The following SCAPER variants were observed in gnomAD, a reference collection of about 807,000 sequenced individuals.
SCAPER encodes the protein S phase cyclin A-associated protein in the endoplasmic reticulum.
SCAPER carries 98 observed loss-of-function variants against 182.2 expected under a neutral mutation model. The ratio of observed to expected loss-of-function variants is 0.54; its 90% confidence interval spans 0.46 to 0.64. The LOEUF (loss-of-function observed/expected upper bound fraction) is 0.64. Among genes scored for constraint, SCAPER ranks in the 30% least tolerant of loss-of-function variants. SCAPER has a pLI of 0.00. For missense variants in SCAPER, 1,432 were observed against 1,690.0 expected, an observed-to-expected ratio of 0.85 and a Z score of 2.68; for synonymous variants, 605 against 564.6, an observed-to-expected ratio of 1.07 and a Z score of -1.01.
chr15:76,784,305 AT>A (rs1348189809), intron 8 of SCAPER, among the ~76,000 whole-genome samples: 1 of 152,206 alleles, frequency 6.6e-6, no homozygotes, highest in Non-Finnish European at 1.5e-5. Context: ...AGAGAATAAA[AT>A]ACCTAGGAAA....
intron 23 of SCAPER, among the ~76,000 whole-genome samples, chr15:76,550,631 T>G (rs950326425): frequency 6.6e-6 from 1 of 152,242 alleles, no homozygotes; most frequent in African/African-American, 2.4e-5. Context: ...TCTTTTTTAT[T>G]GCAAATAATG....
At chr15:76,883,434 C>T (rs2073682394) in intron 2 of SCAPER, among the ~76,000 whole-genome samples, 1 of 152,208 alleles carries the variant, frequency 6.6e-6, no homozygotes, top group African/African-American at 2.4e-5. Flanking sequence ...CCTACTCTAG[C>T]CCAACTTCTA....
At chr15:76,629,237 G>A (rs2052870807) in intron 21 of SCAPER, among the ~76,000 whole-genome samples, 1 of 152,212 alleles carries the variant, frequency 6.6e-6, no homozygotes, top group African/African-American at 2.4e-5. Flanking sequence ...CTTCCTATTT[G>A]AATACACTTT....
intron 23 of SCAPER, among the ~76,000 whole-genome samples, chr15:76,516,347 C>T (rs1473418605): frequency 6.6e-6 from 1 of 151,928 alleles, no homozygotes; most frequent in Non-Finnish European, 1.5e-5. Context: ...TCTCTTAATG[C>T]TATCCCTCCC....
intron 24 of SCAPER, among the ~76,000 whole-genome samples, chr15:76,499,595 G>T (rs751433873): frequency 6.6e-6 from 1 of 152,136 alleles, no homozygotes; most frequent in Non-Finnish European, 1.5e-5. Context: ...TGATCCTAAG[G>T]ACTTACAATC....
chr15:76,693,722 C>T (rs1033767114), intron 20 of SCAPER, among the ~76,000 whole-genome samples: 1 of 152,014 alleles, frequency 6.6e-6, no homozygotes, highest in Non-Finnish European at 1.5e-5. Context: ...GAGAACATTA[C>T]ACTAAGTGAA....
chr15:76,566,127 T>G (rs150323750), intron 23 of SCAPER, among the ~76,000 whole-genome samples: 1 of 152,198 alleles, frequency 6.6e-6, no homozygotes, highest in Non-Finnish European at 1.5e-5. Context: ...TCTTAAGGCT[T>G]ACTGATTTAT....
intron 5 of SCAPER, among the ~76,000 whole-genome samples, chr15:76,826,913 T>C (rs901584658): frequency 2.0e-5 from 3 of 152,226 alleles, no homozygotes; most frequent in Non-Finnish European, 2.9e-5. Flanking sequence ...ATGGCTAGAT[T>C]ATATGATTTT....
At chr15:76,391,146 GA>G (rs1236749841) in intron 27 of SCAPER, among the ~76,000 whole-genome samples, 4 of 151,850 alleles carry the variant, frequency 2.6e-5, no homozygotes, top group African/African-American at 9.7e-5. Flanking sequence ...TCTGTTTCTG[GA>G]ACATCCACTT....
chr15:76,686,067 T>C (rs942646886), intron 20 of SCAPER, among the ~76,000 whole-genome samples: 1 of 151,986 alleles, frequency 6.6e-6, no homozygotes, highest in African/African-American at 2.4e-5. Flanking sequence ...AGGACAATAT[T>C]GATAAATTTG....
chr15:76,788,705 T>C (rs915119059), intron 8 of SCAPER, among the ~76,000 whole-genome samples: 3 of 152,254 alleles, frequency 2.0e-5, no homozygotes, highest in Admixed American at 6.5e-5. Context: ...AGTAAAAGTA[T>C]GTTTACATCT....
chr15:76,492,635 A>T (rs911250065), intron 24 of SCAPER, among the ~76,000 whole-genome samples: 13 of 152,206 alleles, frequency 8.5e-5, no homozygotes, highest in Admixed American at 8.5e-4. Context: ...CAGTGATAAA[A>T]CTAGAAGATA....
intron 25 of SCAPER, among the ~76,000 whole-genome samples, chr15:76,452,793 G>A (rs2048462309): frequency 6.6e-6 from 1 of 151,670 alleles, no homozygotes. Flanking sequence ...GTGTGTTTTT[G>A]TGTGCATATA....
In SCAPER at chr15:76,597,044, G is replaced by T. The variant is rs1185291532; in HGVS notation, c.2712-22760C>A. On this transcript the variant is annotated intron_variant, in intron 22 of 31. Transcript: ENST00000563290. The stretch of plus-strand genomic sequence containing the variant: ...GTCTCTGTTTATAGATGACATGACT[G>T]TATATTTAGAAAACCCCATCGTCTA... 2.5e-5 allele frequency among the ~76,000 whole-genome samples: 3 copies of T among 121,918 alleles called. 1 individual carries two copies. Among genetic ancestry groups the T allele is most frequent in the African/African-American group, 5.0e-5 (2 of 39,792 alleles). 80.0% of individuals were successfully genotyped at this position (121,918 alleles called of 152,430 possible). A position where few individuals can be genotyped will look rare whatever the true frequency, so the allele number is the denominator to read the frequency against.
At chr15:76,457,203 C>T (rs1265221707) in intron 25 of SCAPER, among the ~76,000 whole-genome samples, 2 of 151,990 alleles carry the variant, frequency 1.3e-5, no homozygotes, top group Non-Finnish European at 2.9e-5. Flanking sequence ...GCTGGGACTA[C>T]AGGTGCCTGC....
chr15:76,655,126 A>T (rs1423924034), intron 21 of SCAPER, among the ~76,000 whole-genome samples: 2 of 152,222 alleles, frequency 1.3e-5, no homozygotes, highest in African/African-American at 4.8e-5. Context: ...GAAAGTGTGA[A>T]CTGAATCCAA....
chr15:76,468,915 G>A (rs1420755236), intron 25 of SCAPER, among the ~76,000 whole-genome samples: 2 of 152,128 alleles, frequency 1.3e-5, no homozygotes, highest in African/African-American at 4.8e-5. Flanking sequence ...TGGGGATAAA[G>A]TGACAAGTCA....
At chr15:76,553,263 C>T (rs1419579401) in intron 23 of SCAPER, among the ~76,000 whole-genome samples, 1 of 152,214 alleles carries the variant, frequency 6.6e-6, no homozygotes, top group Non-Finnish European at 1.5e-5. Context: ...GATGCCAGAA[C>T]CCAGCCCCTG....
intron 26 of SCAPER, among the ~76,000 whole-genome samples, chr15:76,408,699 C>T (rs895195054): frequency 6.6e-6 from 1 of 151,628 alleles, no homozygotes; most frequent in African/African-American, 2.4e-5. Flanking sequence ...TCAAGGAAGG[C>T]AACGCACAAG....
Sources: allele counts gnomAD v4.1 joint callset (sites outside exome capture counted in the v4.1 genomes callset), GRCh38; gene constraint gnomAD v4.1.1; transcripts MANE v1.5; gene names NCBI Gene and HGNC (gene_info 2026-07-23, HGNC 2026-07-21).